THSD7A: variants seen among roughly 807,000 people sequenced by gnomAD.
The protein encoded by THSD7A is thrombospondin type-1 domain-containing protein 7A.
Under a neutral mutation model 231.3 loss-of-function variants are expected in THSD7A, and 96 were observed. The observed-to-expected ratio is 0.41, with a 90% confidence interval of 0.35 to 0.49. The LOEUF is 0.49. THSD7A is among the 20% of genes least tolerant of loss of function. The pLI, the probability that THSD7A is intolerant of heterozygous loss-of-function variation, is 0.05. For missense variants in THSD7A, 2,290 were observed against 2,070.2 expected (o/e 1.11, Z -2.06); for synonymous variants, 940 against 743.3 (o/e 1.26, Z -4.30).
In THSD7A at chr7:11,411,805, T is replaced by C. The variant is rs1418095380; in HGVS notation, c.3683-483A>G. Among the ~76,000 whole-genome samples the C allele has an allele frequency of 6.6e-6, 1 of 152,136 alleles. No individual in the cohort carries two copies. Among genetic ancestry groups the C allele is most frequent in the Non-Finnish European group, 1.5e-5 (1 of 68,026 alleles). On this transcript the variant is annotated intron_variant, in intron 18 of 27. Transcript: ENST00000423059. The surrounding 1 kb of genome is among the most constrained non-coding windows in gnomAD (Gnocchi z 4.1). ...CATACGTTTATTAAAGTGATAAAAA[T>C]CACTTTGGCCATATTTATTCATTCT...
chr7:11,685,585 G>C lies in THSD7A; in HGVS notation c.191-48624C>G, dbSNP rs561795860. ...AGCCATAAATGGACACTTCCTAAAAGAAGATACACAAGCAGCCAACAAACA... is the reference window on the plus strand; with the variant it reads ...AGCCATAAATGGACACTTCCTAAAACAAGATACACAAGCAGCCAACAAACA... On this transcript the variant is annotated intron_variant, in intron 1 of 27. Transcript: ENST00000423059. 3.2e-3 allele frequency among the ~76,000 whole-genome samples: 492 copies of C among 151,972 alleles called. 2 individuals carry two copies. The highest frequency in any genetic ancestry group is 0.011 in the African/African-American group (444 of 41,498).
chr7:11,745,160 T>C (rs1351925914), intron 1 of THSD7A, among the ~76,000 whole-genome samples: 2 of 152,116 alleles, frequency 1.3e-5, no homozygotes, highest in East Asian at 1.9e-4. Context: ...TGGTATCTCA[T>C]TGTGGTTTTG....
intron 8 of THSD7A, among the ~76,000 whole-genome samples, chr7:11,471,519 C>G (rs912138467): frequency 6.6e-6 from 1 of 151,944 alleles, no homozygotes; most frequent in Non-Finnish European, 1.5e-5. Context: ...CTTCTTCATA[C>G]ATAGATACTA....
At chr7:11,803,819 G>A (rs1016819370) in intron 1 of THSD7A, among the ~76,000 whole-genome samples, 1 of 152,038 alleles carries the variant, frequency 6.6e-6, no homozygotes, top group African/African-American at 2.4e-5. Flanking sequence ...AGGTGAGGTG[G>A]GGTCTGGATA....
At chr7:11,546,202 G>GCGCACACACA (rs761841418) in intron 4 of THSD7A, among the ~76,000 whole-genome samples, 3 of 129,448 alleles carry the variant, frequency 2.3e-5, no homozygotes, top group Middle Eastern at 3.9e-3. Context: ...GTGGGCGCGC[G>GCGCACACACA]CTCACACACA....
intron 23 of THSD7A, among the ~76,000 whole-genome samples, chr7:11,386,873 G>C (rs1782765321): frequency 6.6e-6 from 1 of 152,122 alleles, no homozygotes; most frequent in African/African-American, 2.4e-5. Context: ...AATCCATCTT[G>C]AGTGAATTTC....
chr7:11,666,037 C>T (rs1319407148), intron 1 of THSD7A, among the ~76,000 whole-genome samples: 3 of 151,792 alleles, frequency 2.0e-5, no homozygotes, highest in South Asian at 2.1e-4. Flanking sequence ...ACACTGATTC[C>T]CAATTAATTG....
chr7:11,764,527 GC>G (rs1332666517), intron 1 of THSD7A, among the ~76,000 whole-genome samples: 2 of 145,912 alleles, frequency 1.4e-5, no homozygotes, highest in Admixed American at 1.4e-4. Flanking sequence ...CCGAGATAGC[GC>G]CACTGCAGTC....
At chr7:11,826,946 T>G (rs939786529) in intron 1 of THSD7A, among the ~76,000 whole-genome samples, 1 of 152,118 alleles carries the variant, frequency 6.6e-6, no homozygotes, top group African/African-American at 2.4e-5. Context: ...CAAAGATAAG[T>G]TAACTTTGAA....
chr7:11,819,433 G>C (rs933124639), intron 1 of THSD7A, among the ~76,000 whole-genome samples: 1 of 152,182 alleles, frequency 6.6e-6, no homozygotes, highest in African/African-American at 2.4e-5. Context: ...AAATAGGTAA[G>C]TGAATAAACA....
intron 1 of THSD7A, among the ~76,000 whole-genome samples, chr7:11,749,806 C>T (rs1782440369): frequency 1.3e-5 from 2 of 151,926 alleles, no homozygotes; most frequent in African/African-American, 4.8e-5. Flanking sequence ...TGGTTGATCT[C>T]CTAGCCATTC....
intron 1 of THSD7A, among the ~76,000 whole-genome samples, chr7:11,652,661 A>C (rs1782547988): frequency 6.6e-6 from 1 of 151,978 alleles, no homozygotes; most frequent in African/African-American, 2.4e-5. Flanking sequence ...TATTATGTAA[A>C]ACTTTTTATT....
intron 7 of THSD7A, among the ~76,000 whole-genome samples, chr7:11,475,935 C>CTTTT (rs553018024): frequency 5.4e-5 from 6 of 110,768 alleles, no homozygotes; most frequent in Admixed American, 9.5e-5. Flanking sequence ...AAATACTTTC[C>CTTTT]TTTTTTTTTT....
At position 11,737,561 on chromosome 7, in the gene THSD7A, C is replaced by T. The variant is rs547794022; in HGVS notation, c.190+94196G>A. ...CTGTGCAAAGGTGCCATTTTATGTT[C>T]AGGTGCTCAGGGAAACCTGAAACAG... On this transcript the variant is annotated intron_variant, in intron 1 of 27. Coordinates refer to ENST00000423059, the MANE Select transcript of THSD7A (RefSeq NM_015204.3). Among the ~76,000 whole-genome samples, 3 of 152,086 alleles carry T rather than the reference C, an allele frequency of 2.0e-5. No individual in the cohort carries two copies. The South Asian group carries it at 6.2e-4, about 32-fold the overall frequency.
At chr7:11,789,730 C>T (rs370789881) in intron 1 of THSD7A, among the ~76,000 whole-genome samples, 2 of 151,934 alleles carry the variant, frequency 1.3e-5, no homozygotes, top group Non-Finnish European at 2.9e-5. Context: ...AACTTCATTG[C>T]CTTTTACAAA....
At chr7:11,743,512 G>T (rs6963014) in intron 1 of THSD7A, among the ~76,000 whole-genome samples, 3,948 of 151,774 alleles carry the variant, frequency 0.026, 184 homozygotes, top group African/African-American at 0.091. Flanking sequence ...CTAATACTAC[G>T]CATTCTGGTT....
chr7:11,765,408 C>T (rs970199977), intron 1 of THSD7A, among the ~76,000 whole-genome samples: 2 of 152,122 alleles, frequency 1.3e-5, no homozygotes, highest in Non-Finnish European at 2.9e-5. Context: ...AGCTGAATAG[C>T]ATTTCTTACC....
At chr7:11,503,516 C>A (rs1787423449) in intron 6 of THSD7A, among the ~76,000 whole-genome samples, 1 of 150,332 alleles carries the variant, frequency 6.7e-6, no homozygotes, top group Non-Finnish European at 1.5e-5. Flanking sequence ...GCAGAGTAAA[C>A]AAAAAACCTA....
intron 4 of THSD7A, among the ~76,000 whole-genome samples, chr7:11,563,943 T>C (rs889319176): frequency 1.3e-5 from 2 of 152,160 alleles, no homozygotes; most frequent in Admixed American, 6.5e-5. Context: ...TTTTAAAAAG[T>C]GTTTTTTCTT....
Sources: allele counts gnomAD v4.1 joint callset (sites outside exome capture counted in the v4.1 genomes callset), GRCh38; gene constraint gnomAD v4.1.1; non-coding constraint Gnocchi (gnomAD v3.1); transcripts MANE v1.5; gene names NCBI Gene and HGNC (gene_info 2026-07-23, HGNC 2026-07-21).